The following DIAPH3 variants were observed in gnomAD, a reference collection of about 807,000 sequenced individuals.
DIAPH3 encodes protein diaphanous homolog 3.
In DIAPH3, 117 loss-of-function variants were observed where a neutral mutation model predicts 144.3. That is an observed-to-expected ratio of 0.81 (90% CI 0.70 to 0.95). The LOEUF (loss-of-function observed/expected upper bound fraction) is 0.95, where lower values mean the gene tolerates loss of function less well. Among genes scored for constraint, DIAPH3 ranks in the 40% least tolerant of loss-of-function variants. DIAPH3 has a pLI of 0.00. For missense variants in DIAPH3, 1,421 were observed against 1,412.7 expected (o/e 1.01, Z -0.09); for synonymous variants, 519 against 488.9 (o/e 1.06, Z -0.81).
Position 59,924,809 on chromosome 13 carries a change from A to C in DIAPH3, c.2136T>G (p.Leu712=). ...KKSIKKKIKE[L]KFLDSKIAQN... The stretch of plus-strand genomic sequence containing the variant: ...GGGCAATTTTAGAATCTAAAAACTT[A>C]AGTTCTTTAATTTTTTTCTTAATCG... Residue 712 remains leucine (L), a synonymous_variant, in exon 18 of 28, where the codon CTT becomes CTG. Transcript: ENST00000400324. The C allele has an allele frequency of 6.2e-7, 1 of 1,602,250 alleles. No individual in the cohort carries two copies.
Position 59,740,701 on chromosome 13 carries a change from G to A in DIAPH3, c.3319+33488C>T, listed in dbSNP as rs528107668. On this transcript the variant is annotated intron_variant, in intron 27 of 27. Coordinates refer to ENST00000400324, the MANE Select transcript of DIAPH3 (RefSeq NM_001042517.2). ...TATATAAAGGGTCAAGAAACGTACC[G>A]CAAGCTGGAATTAGGTAACTTATCT... Among the ~76,000 whole-genome samples the A allele has an allele frequency of 2.0e-4, 30 of 152,234 alleles. No individual in the cohort carries two copies. In the East Asian group the frequency reaches 4.4e-3, roughly 23 times the overall value.
intron 4 of DIAPH3, among the ~76,000 whole-genome samples, chr13:60,066,838 T>C (rs2056987123): frequency 6.6e-6 from 1 of 152,248 alleles, no homozygotes; most frequent in Non-Finnish European, 1.5e-5. Context: ...TTTAGATTGC[T>C]CAATCATCAA....
chr13:59,771,212 T>C (rs2038100574), intron 27 of DIAPH3, among the ~76,000 whole-genome samples: 1 of 152,068 alleles, frequency 6.6e-6, no homozygotes, highest in Non-Finnish European at 1.5e-5. Context: ...ATAGCTATGA[T>C]TTAAGAAGGC....
At chr13:60,151,088 G>GAAAAAAAA (rs1200982594) in intron 1 of DIAPH3, among the ~76,000 whole-genome samples, 1 of 103,718 alleles carries the variant, frequency 9.6e-6, no homozygotes, top group African/African-American at 3.6e-5. Context: ...TGTCCCCCAG[G>GAAAAAAAA]AAAAAAAAAA....
intron 27 of DIAPH3, among the ~76,000 whole-genome samples, chr13:59,686,684 T>A (rs1161368957): frequency 6.6e-6 from 1 of 152,058 alleles, no homozygotes; most frequent in Non-Finnish European, 1.5e-5. Context: ...GGGCTAGGGG[T>A]ATAGAAAGTT....
Position 59,730,122 on chromosome 13 carries a change from T to C in DIAPH3, c.3319+44067A>G, listed in dbSNP as rs375214026. ...CGAGCCCTAAATTTTAAATGTGACA[T>C]TTCACATAAAAATGTAGATTTGTGA... On this transcript the variant is annotated intron_variant, in intron 27 of 27. Transcript: ENST00000400324. 2.5e-3 allele frequency among the ~76,000 whole-genome samples: 385 copies of C among 152,178 alleles called. 2 individuals are homozygous for C. Among genetic ancestry groups the C allele is most frequent in the Non-Finnish European group, 4.2e-3 (284 of 68,008 alleles).
intron 22 of DIAPH3, among the ~76,000 whole-genome samples, chr13:59,847,793 C>G (rs914260855): frequency 6.6e-6 from 1 of 152,160 alleles, no homozygotes. Context: ...GTCAGCCTCA[C>G]AATTCCAAGA....
At chr13:60,012,460 A>G (rs1190207010) in intron 7 of DIAPH3, among the ~76,000 whole-genome samples, 3 of 152,274 alleles carry the variant, frequency 2.0e-5, no homozygotes, top group Non-Finnish European at 4.4e-5. Context: ...GCACAGGACC[A>G]GAAACTACAA....
chr13:59,699,781 CT>C, intron 27 of DIAPH3, among the ~76,000 whole-genome samples: 1 of 152,264 alleles, frequency 6.6e-6, no homozygotes, highest in South Asian at 2.1e-4. Flanking sequence ...GTGGAAAGAG[CT>C]ATTATTTTTC....
intron 22 of DIAPH3, among the ~76,000 whole-genome samples, chr13:59,848,172 A>G (rs2042759480): frequency 6.6e-6 from 1 of 152,036 alleles, no homozygotes. Flanking sequence ...TACTCATTCT[A>G]CCATTATTCA....
chr13:59,744,874 T>C (rs1334578587), intron 27 of DIAPH3, among the ~76,000 whole-genome samples: 1 of 151,940 alleles, frequency 6.6e-6, no homozygotes, highest in Admixed American at 6.6e-5. Flanking sequence ...TTTAAGAGGA[T>C]AGAGATGCAC....
chr13:59,930,054 T>A (rs1254674801), intron 17 of DIAPH3, among the ~76,000 whole-genome samples: 2 of 152,222 alleles, frequency 1.3e-5, no homozygotes, highest in Non-Finnish European at 2.9e-5. Context: ...CTTAGCACAG[T>A]GTTCTTCATA....
intron 3 of DIAPH3, 150 bp downstream of exon 3, chr13:60,111,860 C>T: frequency 2.6e-6 from 2 of 774,652 alleles, no homozygotes; most frequent in Non-Finnish European, 4.1e-6. Flanking sequence ...TTTTGTAATC[C>T]AAAAACTCTT....
intron 17 of DIAPH3, among the ~76,000 whole-genome samples, chr13:59,957,075 C>A (rs2049451268): frequency 1.3e-5 from 2 of 152,024 alleles, no homozygotes; most frequent in African/African-American, 4.8e-5. Context: ...AAGGAACTTG[C>A]CTTGTCTCAG....
At chr13:60,039,055 T>C (rs2055439472) in intron 5 of DIAPH3, among the ~76,000 whole-genome samples, 1 of 151,966 alleles carries the variant, frequency 6.6e-6, no homozygotes, top group Non-Finnish European at 1.5e-5. Flanking sequence ...CCGAGAATAC[T>C]AGATAATCAA....
At chr13:59,761,625 A>G (rs912614231) in intron 27 of DIAPH3, among the ~76,000 whole-genome samples, 1 of 152,174 alleles carries the variant, frequency 6.6e-6, no homozygotes, top group Non-Finnish European at 1.5e-5. Flanking sequence ...CACATTTATT[A>G]TCCTGAGCTA....
chr13:59,669,249 T>A (rs1566166053), intron 27 of DIAPH3, among the ~76,000 whole-genome samples: 1 of 152,182 alleles, frequency 6.6e-6, no homozygotes, highest in East Asian at 1.9e-4. Context: ...ATATCCTCCA[T>A]TTCTTTCCTG....
chr13:59,714,555 G>A (rs1005309595), intron 27 of DIAPH3, among the ~76,000 whole-genome samples: 3 of 152,024 alleles, frequency 2.0e-5, no homozygotes, highest in Non-Finnish European at 4.4e-5. Context: ...AAGTTTTAAT[G>A]ATCAGAAAAC....
chr13:60,118,621 G>GCTAA (rs2058757437), intron 2 of DIAPH3, among the ~76,000 whole-genome samples: 1 of 152,264 alleles, frequency 6.6e-6, no homozygotes, highest in African/African-American at 2.4e-5. Context: ...AAACCTAACA[G>GCTAA]CTAACATAGC....
Sources: gnomAD v4.1 joint callset for allele counts (sites outside exome capture counted in the v4.1 genomes callset) on GRCh38, gnomAD v4.1.1 for gene constraint, MANE v1.5 for transcripts, NCBI Gene and HGNC (gene_info 2026-07-23, HGNC 2026-07-21) for gene names.